Variants in KRTAP4-7 observed in about 807,000 individuals in gnomAD.
KRTAP4-7 encodes putative keratin-associated protein 4-X.
A neutral mutation model predicts 3.0 loss-of-function variants in KRTAP4-7; 1 was observed. The observed-to-expected ratio is 0.33, with a 90% CI of 0.12 to 1.57. The LOEUF is 1.57. Among genes scored for constraint, KRTAP4-7 ranks in the 40% most tolerant of loss-of-function variants. The pLI, the probability that KRTAP4-7 is intolerant of heterozygous loss-of-function variation, is 0.37. For synonymous variants in KRTAP4-7, 70 were observed against 74.6 expected (o/e 0.94, Z 0.32); for missense variants, 199 against 209.1 (o/e 0.95, Z 0.30).
In KRTAP4-7 at chr17:41,084,512, T is replaced by C. The variant is rs772930536; in HGVS notation, c.306T>C (p.Ser102=). 7.2e-6 allele frequency: 11 copies of C among 1,517,670 alleles called. No homozygotes were observed. In the African/African-American group the frequency reaches 1.8e-4, roughly 25 times the overall value. The allele number at this position is 1,517,670 out of a possible 1,614,324, so 94.0% of individuals were successfully genotyped here. A position where few individuals can be genotyped will look rare whatever the true frequency, so the allele number is the denominator to read the frequency against. The change falls in exon 1 of 1, where the codon TCT becomes TCC. Residue 102 remains serine, a synonymous_variant. Coordinates refer to ENST00000391417, the Ensembl canonical transcript of KRTAP4-7. ...GCTGCAAGCCCCAGTGCTGCCAGTC[T>C]GTGTGCTGCCAGCCCACCTGCTGCC...
exon 1 of KRTAP4-7, chr17:41,084,424 C>G (rs758564263): frequency 7.1e-7 from 1 of 1,411,432 alleles, no homozygotes; most frequent in South Asian, 1.3e-5. Context: ...TGTGAGACGA[C>G]CTGCTGCCAC....
At chr17:41,084,488 C>T (rs1269867863) in exon 1 of KRTAP4-7, 1 of 1,510,310 alleles carries the variant, frequency 6.6e-7, no homozygotes, top group Non-Finnish European at 9.0e-7. Context: ...TGTCCAGCTG[C>T]TGCAAGCCCC....
chr17:41,084,270 G>A, exon 1 of KRTAP4-7: 2 of 1,613,706 alleles, frequency 1.2e-6, no homozygotes, highest in African/African-American at 1.3e-5. Context: ...CCTCTGTCAG[G>A]AGACCTGCTG....
At chr17:41,084,545 C>G (rs779395222) in exon 1 of KRTAP4-7, 2 of 1,423,776 alleles carry the variant, frequency 1.4e-6, no homozygotes, top group East Asian at 2.3e-5. Context: ...GCCGCCCCAG[C>G]TGCTGCCGCC....
At chr17:41,084,847 C>T in exon 1 of KRTAP4-7, 1 of 1,086,558 alleles carries the variant, frequency 9.2e-7, no homozygotes, top group Non-Finnish European at 1.3e-6. Flanking sequence ...CATTCTGGTT[C>T]ATTTTAAACT....
exon 1 of KRTAP4-7, chr17:41,085,006 T>G (rs751930824): frequency 2.3e-6 from 1 of 440,624 alleles, no homozygotes. Context: ...GAGGTAGATA[T>G]TATCTGCAGG....
chr17:41,084,192 C>G (rs539930851), exon 1 of KRTAP4-7: 1 of 1,594,788 alleles, frequency 6.3e-7, no homozygotes, highest in Admixed American at 1.7e-5. Flanking sequence ...CCCAGATCCT[C>G]CCCGTTCTGA....
chr17:41,084,914 A>G, exon 1 of KRTAP4-7: 1 of 637,844 alleles, frequency 1.6e-6, no homozygotes, highest in Non-Finnish European at 2.7e-6. Context: ...TTAATTTGTA[A>G]TACACTAGCT....
In KRTAP4-7 at chr17:41,084,664, C is replaced by G. The variant is rs756733486; in HGVS notation, c.458C>G (p.Ser153Cys). The G allele has an allele frequency of 1.0e-5, 16 of 1,593,976 alleles. No individual in the cohort carries two copies. In the South Asian group the frequency reaches 1.6e-4, roughly 16 times the overall value. The change falls in exon 1 of 1, where the codon TCT (serine) becomes TGT (cysteine). Residue 153 changes from serine to cysteine, a missense_variant. By Grantham distance (112) the Ser-to-Cys change is moderately radical. Transcript: ENST00000391417. ...CCCCGCCCCTTGTGCTGTGCCTCCTCTTGCTGCTGAGCCCACTGCCCTGGC... is the reference window on the plus strand; with the variant it reads ...CCCCGCCCCTTGTGCTGTGCCTCCTGTTGCTGCTGAGCCCACTGCCCTGGC...
chr17:41,084,617 AACCTGTGTCATCTCC>A (rs1465408242), exon 1 of KRTAP4-7: 1 of 1,600,508 alleles, frequency 6.2e-7, no homozygotes, highest in Admixed American at 1.7e-5. Context: ...GCTATCGCCC[AACCTGTGTCATCTCC>A]ACCTGTCCCC....
At chr17:41,084,465 C>T in exon 1 of KRTAP4-7, 1 of 1,517,246 alleles carries the variant, frequency 6.6e-7, no homozygotes. Context: ...CTGCTGCCGC[C>T]CCAGCTGCTG....
chr17:41,084,227 C>T (rs2013594830), exon 1 of KRTAP4-7: 3 of 1,609,220 alleles, frequency 1.9e-6, no homozygotes, highest in African/African-American at 2.7e-5. Context: ...CCTGTTGTGG[C>T]TCCGTGTGCT....
chr17:41,084,344 G>T (rs568264915), exon 1 of KRTAP4-7: 1 of 1,607,856 alleles, frequency 6.2e-7, no homozygotes, highest in Admixed American at 1.7e-5. Context: ...GCTGTTGTGT[G>T]TCCAGCTGCT....
exon 1 of KRTAP4-7, chr17:41,084,307 G>C: frequency 6.2e-7 from 1 of 1,614,010 alleles, no homozygotes; most frequent in Non-Finnish European, 8.5e-7. Flanking sequence ...CAGACCACCT[G>C]TTGCAGGACC....
chr17:41,085,072 T>C (rs576500807), exon 1 of KRTAP4-7: 1 of 270,566 alleles, frequency 3.7e-6, no homozygotes, highest in Non-Finnish European at 7.4e-6. Flanking sequence ...TTGTATTCTG[T>C]GTTTCTCCTA....
At chr17:41,084,596 C>T (rs778316544) in exon 1 of KRTAP4-7, 1 of 1,596,202 alleles carries the variant, frequency 6.3e-7, no homozygotes, top group Non-Finnish European at 8.5e-7. Flanking sequence ...GAGTCTCCTG[C>T]CACACCACTT....
chr17:41,084,466 C>G (rs1567944759), exon 1 of KRTAP4-7: 6 of 1,517,376 alleles, frequency 4.0e-6, no homozygotes, highest in Non-Finnish European at 2.7e-6. Flanking sequence ...TGCTGCCGCC[C>G]CAGCTGCTGT....
At chr17:41,084,438 A>G in exon 1 of KRTAP4-7, 22 of 1,408,960 alleles carry the variant, frequency 1.6e-5, no homozygotes, top group Non-Finnish European at 2.1e-5. Flanking sequence ...CTGCCACCCT[A>G]GGTGCTGCAT....
At chr17:41,084,242 C>T in exon 1 of KRTAP4-7, 1 of 1,612,868 alleles carries the variant, frequency 6.2e-7, no homozygotes, top group Non-Finnish European at 8.5e-7. Context: ...TGTGCTCTGA[C>T]CAGGGCTGCA....
Sources: gnomAD v4.1 joint callset for allele counts on GRCh38, gnomAD v4.1.1 for gene constraint, MANE v1.5 for transcripts, NCBI Gene and HGNC (gene_info 2026-07-23, HGNC 2026-07-21) for gene names.